Variants in CCDC148 observed in about 807,000 individuals in gnomAD.
CCDC148 encodes the protein coiled-coil domain-containing protein 148.
In CCDC148, 89 loss-of-function variants were observed where a neutral mutation model predicts 85.7. The observed-to-expected ratio is 1.04, with a 90% CI of 0.87 to 1.24. CCDC148 has a LOEUF of 1.24. Ranked by LOEUF, CCDC148 falls within the 50% of genes most tolerant of loss-of-function variation. The probability of loss-of-function intolerance (pLI) is 0.00; values close to 1 mark genes in which losing one functional copy is unlikely to be tolerated. For synonymous variants in CCDC148, 230 were observed against 213.9 expected (o/e 1.08, Z -0.66); for missense variants, 692 against 671.7 (o/e 1.03, Z -0.33).
intron 11 of CCDC148, among the ~76,000 whole-genome samples, chr2:158,212,114 T>G (rs1686611958): frequency 6.6e-6 from 1 of 152,144 alleles, no homozygotes; most frequent in African/African-American, 2.4e-5. Context: ...AATATACATA[T>G]AAAATACAAA....
intron 1 of CCDC148, among the ~76,000 whole-genome samples, chr2:158,412,540 A>C (rs1686305341): frequency 6.6e-6 from 1 of 152,172 alleles, no homozygotes; most frequent in Non-Finnish European, 1.5e-5. Flanking sequence ...TTTAAAAGAG[A>C]GAGGCATAGG....
chr2:158,383,143 TA>T (rs200414294), intron 1 of CCDC148, among the ~76,000 whole-genome samples: 4,067 of 149,758 alleles, frequency 0.027, 73 homozygotes, highest in Middle Eastern at 0.095. Flanking sequence ...CTACTAAAAA[TA>T]AAAAAAAATA....
At chr2:158,369,056 C>A (rs983040084) in intron 1 of CCDC148, among the ~76,000 whole-genome samples, 22 of 152,150 alleles carry the variant, frequency 1.4e-4, no homozygotes, top group African/African-American at 5.1e-4. Context: ...TAGTCAATCA[C>A]CCCATGACGG....
At chr2:158,213,935 AAG>A (rs1479880882) in intron 11 of CCDC148, among the ~76,000 whole-genome samples, 1 of 152,120 alleles carries the variant, frequency 6.6e-6, no homozygotes, top group Non-Finnish European at 1.5e-5. Context: ...GCTGAAAAGA[AAG>A]AACAACTACT....
At position 158,180,646 on chromosome 2, in the gene CCDC148, T is replaced by C. The variant is rs577443442; in HGVS notation, c.1371-1650A>G. 6.3e-4 allele frequency among the ~76,000 whole-genome samples: 96 copies of C among 151,988 alleles called. No individual in the cohort carries two copies. In the South Asian group the frequency reaches 0.02, roughly 31 times the overall value. ...GGGTGGCAAGAACAGAACAAGTGAA[T>C]GATGAGTGACAGAGAAGCCCAGGCA... On this transcript the variant is annotated intron_variant, in intron 11 of 13. Transcript: ENST00000283233.
At chr2:158,403,134 A>T (rs1185228324) in intron 1 of CCDC148, among the ~76,000 whole-genome samples, 2 of 152,076 alleles carry the variant, frequency 1.3e-5, no homozygotes, top group African/African-American at 2.4e-5. Context: ...AATTGAATCA[A>T]TTGATTTCAT....
At chr2:158,329,475 A>C (rs1347268875) in intron 7 of CCDC148, among the ~76,000 whole-genome samples, 1 of 152,028 alleles carries the variant, frequency 6.6e-6, no homozygotes, top group Non-Finnish European at 1.5e-5. Flanking sequence ...TTGGCTTAGG[A>C]TTGACTTGGC....
chr2:158,218,217 T>C (rs564702339), intron 11 of CCDC148, among the ~76,000 whole-genome samples: 1 of 152,312 alleles, frequency 6.6e-6, no homozygotes, highest in East Asian at 1.9e-4. Flanking sequence ...AAACATATCA[T>C]AGGCCCTTAA....
At chr2:158,440,606 A>T (rs1269174250) in intron 1 of CCDC148, among the ~76,000 whole-genome samples, 2 of 152,226 alleles carry the variant, frequency 1.3e-5, no homozygotes, top group African/African-American at 4.8e-5. Flanking sequence ...TAAATTAGGC[A>T]CAGTAAAAGA....
intron 1 of CCDC148, among the ~76,000 whole-genome samples, chr2:158,377,552 C>T (rs1431311399): frequency 2.0e-5 from 3 of 152,010 alleles, no homozygotes; most frequent in Admixed American, 1.3e-4. Flanking sequence ...AACTCTCATA[C>T]ACATTGTTGG....
At chr2:158,273,817 T>C (rs1207413327) in intron 9 of CCDC148, among the ~76,000 whole-genome samples, 3 of 151,982 alleles carry the variant, frequency 2.0e-5, no homozygotes, top group Non-Finnish European at 4.4e-5. Context: ...ACTTATAGGG[T>C]CAATTTAGGT....
At chr2:158,172,878 T>G (rs1684384682) in intron 13 of CCDC148, among the ~76,000 whole-genome samples, 1 of 152,024 alleles carries the variant, frequency 6.6e-6, no homozygotes, top group Admixed American at 6.6e-5. Flanking sequence ...CTATGAATAT[T>G]AAATGTCAAC....
At position 158,246,787 on chromosome 2, in the gene CCDC148, C is replaced by A. The variant is rs563714416; in HGVS notation, c.1251+3985G>T. Among the ~76,000 whole-genome samples the A allele has an allele frequency of 2.9e-4, 44 of 152,294 alleles. 1 individual carries two copies. In the South Asian group the frequency reaches 8.3e-3, roughly 29 times the overall value. ...GACCAGAGAAGAAAAGGGTCAAGTG[C>A]AGAACCCCAGACCAGTGCTGTGCAC... On this transcript the variant is annotated intron_variant, in intron 10 of 13. Transcript: ENST00000283233.
intron 2 of CCDC148, among the ~76,000 whole-genome samples, chr2:158,353,735 T>C (rs370782896): frequency 1.3e-5 from 2 of 152,118 alleles, no homozygotes; most frequent in African/African-American, 2.4e-5. Context: ...ACCTAATAGA[T>C]ATCTACAGAA....
chr2:158,191,150 G>C (rs542129967), intron 11 of CCDC148, among the ~76,000 whole-genome samples: 1 of 151,912 alleles, frequency 6.6e-6, no homozygotes, highest in African/African-American at 2.4e-5. Context: ...CTGCTGAACC[G>C]AGAGGGCACT....
chr2:158,217,158 C>A (rs1170226714), intron 11 of CCDC148, among the ~76,000 whole-genome samples: 1 of 151,138 alleles, frequency 6.6e-6, no homozygotes, highest in East Asian at 1.9e-4. Context: ...AAGACATATT[C>A]TAATAGATTG....
chr2:158,419,735 T>C (rs1031892299), intron 1 of CCDC148, among the ~76,000 whole-genome samples: 2 of 152,138 alleles, frequency 1.3e-5, no homozygotes, highest in South Asian at 2.1e-4. Context: ...AGAAAGGGGA[T>C]AGATGTCAGA....
intron 2 of CCDC148, among the ~76,000 whole-genome samples, chr2:158,351,564 T>C (rs1030851554): frequency 4.6e-5 from 7 of 151,606 alleles, no homozygotes; most frequent in Non-Finnish European, 8.8e-5. Flanking sequence ...GCACCTGGCT[T>C]GGAGGGTCCT....
chr2:158,280,526 A>G (rs1203898926), intron 9 of CCDC148, among the ~76,000 whole-genome samples: 2 of 152,228 alleles, frequency 1.3e-5, no homozygotes, highest in African/African-American at 4.8e-5. Context: ...AAAAGAGACA[A>G]AGAAGGCCAA....
Sources: allele counts gnomAD v4.1 joint callset (sites outside exome capture counted in the v4.1 genomes callset), GRCh38; gene constraint gnomAD v4.1.1; transcripts MANE v1.5; gene names NCBI Gene and HGNC (gene_info 2026-07-23, HGNC 2026-07-21).